MYOCD: variants seen among roughly 807,000 people sequenced by gnomAD.
MYOCD encodes the protein myocardin.
A neutral mutation model predicts 96.1 loss-of-function variants in MYOCD; 32 were observed. The observed-to-expected ratio is 0.33, with a 90% confidence interval of 0.25 to 0.45. The LOEUF (loss-of-function observed/expected upper bound fraction) is 0.45, where lower values mean the gene tolerates loss of function less well. Ranked by LOEUF, MYOCD falls within the 20% of genes least tolerant of loss-of-function variation. The pLI is 1.00. For synonymous variants in MYOCD, 469 were observed against 469.0 expected (o/e 1.00, Z 0.00); for missense variants, 1,133 against 1,200.6 (o/e 0.94, Z 0.83).
At position 12,763,553 on chromosome 17, in the gene MYOCD, C is replaced by T; in HGVS notation, c.2870C>T (p.Thr957Ile). Residue 957 changes from threonine (T) to isoleucine (I), a missense_variant, in exon 14 of 14, where the codon ACC (threonine) becomes ATC (isoleucine). Coordinates refer to ENST00000425538, the MANE Select transcript of MYOCD (RefSeq NM_001146312.3). Reference protein sequence around the residue: ...NSTPGFSALTTSSPSIFNIDF... With the variant: ...NSTPGFSALTISSPSIFNIDF... ...ACACCAGGCTTTAGCGCCCTCACCA[C>T]CAGCAGCCCCAGCATCTTCAACATC... is the stretch of plus-strand genomic sequence containing the variant. 1 of 1,614,176 alleles carries T rather than the reference C, an allele frequency of 6.2e-7. No homozygotes were observed. Among genetic ancestry groups the T allele is most frequent in the Non-Finnish European group, 8.5e-7 (1 of 1,180,042 alleles).
rs529245571 is a variant in MYOCD at position 12,707,783 on chromosome 17, AT to A, written c.121+2592del. Among the ~76,000 whole-genome samples the A allele has an allele frequency of 2.0e-3, 310 of 152,294 alleles. 2 individuals are homozygous for A. Among genetic ancestry groups the A allele is most frequent in the African/African-American group, 7.1e-3 (295 of 41,562 alleles). On this transcript the variant is annotated intron_variant, in intron 2 of 13. Coordinates refer to ENST00000425538, the MANE Select transcript of MYOCD (RefSeq NM_001146312.3). ...AGAAGCATAATCCAGTGTGCAACTC[AT>A]TACCTTACACAAGAAGACTTTATTT...
At chr17:12,711,073 C>T (rs1039123614) in intron 2 of MYOCD, among the ~76,000 whole-genome samples, 1 of 152,166 alleles carries the variant, frequency 6.6e-6, no homozygotes, top group African/African-American at 2.4e-5. Flanking sequence ...TGTTTTCAGA[C>T]TGTTGAGACT....
chr17:12,758,336 C>T, intron 12 of MYOCD, 123 bp downstream of exon 12: 1 of 1,379,476 alleles, frequency 7.2e-7, no homozygotes, highest in Non-Finnish European at 9.9e-7. Flanking sequence ...TGCCATACCA[C>T]CAAAATAAGC....
At chr17:12,668,434 G>A (rs761883532) in intron 1 of MYOCD, among the ~76,000 whole-genome samples, 18 of 152,278 alleles carry the variant, frequency 1.2e-4, no homozygotes, top group African/African-American at 2.2e-4. Flanking sequence ...CCACTGTGAC[G>A]GGGTTTATTT....
chr17:12,723,785 C>T (rs1226017326), intron 5 of MYOCD, among the ~76,000 whole-genome samples: 2 of 152,174 alleles, frequency 1.3e-5, no homozygotes, highest in Non-Finnish European at 2.9e-5. Flanking sequence ...GCAATCCGCT[C>T]TGAGAACTAT....
chr17:12,706,718 A>G (rs1243578688), intron 2 of MYOCD, among the ~76,000 whole-genome samples: 1 of 152,196 alleles, frequency 6.6e-6, no homozygotes, highest in African/African-American at 2.4e-5. Flanking sequence ...AATAACACCT[A>G]TCATGTAAGT....
At chr17:12,704,747 G>A (rs904645853) in intron 1 of MYOCD, among the ~76,000 whole-genome samples, 2 of 152,194 alleles carry the variant, frequency 1.3e-5, no homozygotes, top group African/African-American at 4.8e-5. Flanking sequence ...AGGGGGTAGA[G>A]ATGAGATGTG....
rs116628233 is a variant in MYOCD, at chr17:12,718,002, G to A, written c.253+581G>A. Reference sequence around the variant, plus strand: ...TGCAGGAGGAGTGGCTTCTACTCCCGCCTCATAAGTTGCCTTCCCTGAGAC... The same window carrying A: ...TGCAGGAGGAGTGGCTTCTACTCCCACCTCATAAGTTGCCTTCCCTGAGAC... On this transcript the variant is annotated intron_variant, in intron 4 of 13. Coordinates refer to ENST00000425538, the MANE Select transcript of MYOCD (RefSeq NM_001146312.3). Among the ~76,000 whole-genome samples, 469 of 152,146 alleles carry A rather than the reference G, an allele frequency of 3.1e-3. 5 individuals carry two copies. Among genetic ancestry groups the A allele is most frequent in the African/African-American group, 0.011 (445 of 41,504 alleles).
At position 12,666,225 on chromosome 17, in the gene MYOCD, AG is replaced by A. The variant is rs1465791243; in HGVS notation, c.39del (p.Ser14AlafsTer9). On this transcript the variant is annotated frameshift_variant, in exon 1 of 14. Transcript: ENST00000425538. LOFTEE classifies it high-confidence loss of function. ...GGGGTCTGAGCATTCCTTGCTGATT[AG>A]GAGCAAGTTCAGATCAGGTAGGGCT... ...LLGSEHSLLI[R>X]SKFRSVLQLR... 6.2e-7 allele frequency: 1 copy of A among 1,613,580 alleles called. No homozygotes were observed. The highest frequency in any genetic ancestry group is 1.7e-5 in the Admixed American group (1 of 60,016).
intron 1 of MYOCD, among the ~76,000 whole-genome samples, chr17:12,669,624 GT>G (rs889075911): frequency 2.7e-4 from 40 of 148,900 alleles, no homozygotes; most frequent in African/African-American, 8.8e-4. Flanking sequence ...GTTTTTTGTT[GT>G]TTTTTTTTTC....
At chr17:12,679,470 T>G (rs16946427) in intron 1 of MYOCD, among the ~76,000 whole-genome samples, 40,860 of 152,036 alleles carry the variant, frequency 0.27, 5,663 homozygotes, top group Admixed American at 0.32. Context: ...AAGCATCATG[T>G]TTGGTTGTTT....
chr17:12,707,947 CTA>C (rs917189728), intron 2 of MYOCD, among the ~76,000 whole-genome samples: 1 of 146,692 alleles, frequency 6.8e-6, no homozygotes, highest in Non-Finnish European at 1.5e-5. Context: ...GTCTTATGCA[CTA>C]TATATATGTG....
At chr17:12,756,679 G>T in intron 11 of MYOCD, 122 bp downstream of exon 11, 9 of 308,168 alleles carry the variant, frequency 2.9e-5, no homozygotes, top group South Asian at 7.1e-5. Flanking sequence ...CCAGGTGACA[G>T]AGCGAGACTG....
At chr17:12,760,781 C>A in intron 13 of MYOCD, 74 bp downstream of exon 13, 3 of 1,230,938 alleles carry the variant, frequency 2.4e-6, no homozygotes, top group East Asian at 2.4e-5. Flanking sequence ...CTCTCGGTAC[C>A]AAGATCAGAT....
At chr17:12,741,506 G>A (rs1355163915) in intron 7 of MYOCD, among the ~76,000 whole-genome samples, 1 of 152,046 alleles carries the variant, frequency 6.6e-6, no homozygotes, top group Non-Finnish European at 1.5e-5. Context: ...TCAGGAGTTC[G>A]AGACCAGCCT....
At position 12,745,890 on chromosome 17, in the gene MYOCD, C is replaced by T. The variant is rs758879419; in HGVS notation, c.972-29C>T. 1.2e-5 allele frequency: 19 copies of T among 1,611,734 alleles called. No individual in the cohort carries two copies. The African/African-American group carries it at 2.1e-4, about 18-fold the overall frequency. ...GTTATCCCACCAATATTTGATTGTA[C>T]TTGAAATGCCTCTTTGTTTGTTTTT... On this transcript the variant is annotated intron_variant, in intron 8 of 13. Transcript: ENST00000425538.
chr17:12,750,129 G>A (rs1271029980), intron 9 of MYOCD, among the ~76,000 whole-genome samples: 1 of 151,990 alleles, frequency 6.6e-6, no homozygotes, highest in East Asian at 1.9e-4. Flanking sequence ...GAGCCACGGC[G>A]CCCGGCTAAA....
At chr17:12,736,774 G>A (rs561944114) in intron 6 of MYOCD, among the ~76,000 whole-genome samples, 2 of 152,134 alleles carry the variant, frequency 1.3e-5, no homozygotes, top group Admixed American at 6.5e-5. Context: ...AGAAGGAAAC[G>A]CTGGCTCTCT....
intron 1 of MYOCD, among the ~76,000 whole-genome samples, chr17:12,674,177 T>C (rs1909876879): frequency 6.6e-6 from 1 of 152,180 alleles, no homozygotes; most frequent in Admixed American, 6.5e-5. Context: ...GGAGGCCAGG[T>C]ATGAACGTAT....
Sources: allele counts gnomAD v4.1 joint callset (sites outside exome capture counted in the v4.1 genomes callset), GRCh38; gene constraint gnomAD v4.1.1; transcripts MANE v1.5; gene names NCBI Gene and HGNC (gene_info 2026-07-23, HGNC 2026-07-21).